Variants in SGCZ observed in about 807,000 individuals in gnomAD.
SGCZ encodes the protein sarcoglycan zeta.
SGCZ carries 40 observed loss-of-function variants against 41.3 expected under a neutral mutation model. The observed-to-expected ratio is 0.97, with a 90% confidence interval of 0.75 to 1.26. SGCZ has a LOEUF of 1.26. SGCZ is among the 50% of genes most tolerant of loss of function. SGCZ has a pLI of 0.00. For synonymous variants in SGCZ, 206 were observed against 137.5 expected, an observed-to-expected ratio of 1.50 and a Z score of -3.49; for missense variants, 552 against 369.8, an observed-to-expected ratio of 1.49 and a Z score of -4.04.
chr8:14,764,081 A>T (rs1334455830), intron 1 of SGCZ, among the ~76,000 whole-genome samples: 1 of 152,172 alleles, frequency 6.6e-6, no homozygotes, highest in Non-Finnish European at 1.5e-5. Flanking sequence ...TTATTTTGTC[A>T]GGAAAAAAGG....
At chr8:15,068,906 T>G (rs1805251194) in intron 1 of SGCZ, among the ~76,000 whole-genome samples, 1 of 152,212 alleles carries the variant, frequency 6.6e-6, no homozygotes, top group Non-Finnish European at 1.5e-5. Flanking sequence ...GTTTATGTGG[T>G]CTGTGCTTCT....
intron 1 of SGCZ, among the ~76,000 whole-genome samples, chr8:14,705,986 G>T (rs892944239): frequency 6.6e-6 from 1 of 151,826 alleles, no homozygotes; most frequent in Non-Finnish European, 1.5e-5. Context: ...GAATAGCTTA[G>T]AATCATAATA....
At chr8:14,172,370 C>T (rs1467576233) in intron 4 of SGCZ, among the ~76,000 whole-genome samples, 10 of 152,114 alleles carry the variant, frequency 6.6e-5, no homozygotes, top group Admixed American at 6.6e-4. Context: ...TTGGAAGGAA[C>T]ACATCACATT....
chr8:14,822,664 A>G (rs1013596447), intron 1 of SGCZ, among the ~76,000 whole-genome samples: 2 of 152,170 alleles, frequency 1.3e-5, no homozygotes, highest in Non-Finnish European at 2.9e-5. Flanking sequence ...GAGCCCAGAA[A>G]CAAATTTACC....
rs529764561 is a variant in SGCZ at position 14,690,487 on chromosome 8, G to C, written c.40-135561C>G. On this transcript the variant is annotated intron_variant, in intron 1 of 7. Coordinates refer to ENST00000382080, the MANE Select transcript of SGCZ (RefSeq NM_139167.4). ...TAAGAACATTGCAACCAAGTGGCGT[G>C]GGCGACATAAATACAGAAATACAGC... 113 of 152,034 alleles carry C rather than the reference G, an allele frequency of 7.4e-4. 4 individuals are homozygous for C. 9.4% of individuals were successfully genotyped at this position (152,034 alleles called of 1,614,324 possible).
intron 1 of SGCZ, among the ~76,000 whole-genome samples, chr8:14,679,995 C>T (rs1808391858): frequency 6.6e-6 from 1 of 152,046 alleles, no homozygotes; most frequent in Admixed American, 6.6e-5. Flanking sequence ...CAGGCTACAC[C>T]ATGCAGTCGA....
chr8:14,190,187 T>C (rs1263462990), intron 4 of SGCZ, among the ~76,000 whole-genome samples: 1 of 151,884 alleles, frequency 6.6e-6, no homozygotes, highest in Non-Finnish European at 1.5e-5. Context: ...TAATTCTTTG[T>C]ATTTTTAGTA....
Position 14,313,267 on chromosome 8 carries a change from G to T in SGCZ, c.336+10836C>A, listed in dbSNP as rs139773055. ...AGGAACTATCCAAGATGTAGTAAAAGGTTTCTGTTACATAATTTTGTCTGC... is the reference window on the plus strand; with the variant it reads ...AGGAACTATCCAAGATGTAGTAAAATGTTTCTGTTACATAATTTTGTCTGC... On this transcript the variant is annotated intron_variant, in intron 3 of 7. Transcript: ENST00000382080. 1.1e-4 allele frequency among the ~76,000 whole-genome samples: 16 copies of T among 152,142 alleles called. No individual in the cohort carries two copies. In the East Asian group the frequency reaches 3.1e-3, roughly 29 times the overall value.
At chr8:14,822,480 A>C (rs1180572275) in intron 1 of SGCZ, among the ~76,000 whole-genome samples, 2 of 152,190 alleles carry the variant, frequency 1.3e-5, no homozygotes, top group Non-Finnish European at 2.9e-5. Flanking sequence ...AGAAACAAAA[A>C]AGAAATTCAC....
At chr8:14,776,711 T>C (rs1017037994) in intron 1 of SGCZ, among the ~76,000 whole-genome samples, 1 of 151,902 alleles carries the variant, frequency 6.6e-6, no homozygotes, top group African/African-American at 2.4e-5. Context: ...GCCAGGATGG[T>C]CTCCATCTCC....
chr8:14,496,124 G>C (rs1585593580), intron 2 of SGCZ, among the ~76,000 whole-genome samples: 1 of 98,326 alleles, frequency 1.0e-5, no homozygotes, highest in Non-Finnish European at 2.3e-5. Flanking sequence ...ATAGTGCAGT[G>C]GCGTGATCAT....
chr8:14,496,597 G>C (rs1359568277), intron 2 of SGCZ, among the ~76,000 whole-genome samples: 1 of 152,030 alleles, frequency 6.6e-6, no homozygotes. Context: ...TTGATTTTGA[G>C]AGTCTCTGTT....
chr8:14,620,586 T>A (rs1806252047), intron 1 of SGCZ, among the ~76,000 whole-genome samples: 2 of 71,832 alleles, frequency 2.8e-5, no homozygotes, highest in Non-Finnish European at 6.8e-5. Flanking sequence ...CTCAAAAAAA[T>A]TTATGAGAAA....
At chr8:15,003,855 A>G (rs567369498) in intron 1 of SGCZ, among the ~76,000 whole-genome samples, 2 of 152,306 alleles carry the variant, frequency 1.3e-5, no homozygotes, top group South Asian at 4.1e-4. Context: ...GAAAACAATT[A>G]TGAAAGTAAT....
chr8:14,745,286 A>C (rs1799310643), intron 1 of SGCZ, among the ~76,000 whole-genome samples: 1 of 152,150 alleles, frequency 6.6e-6, no homozygotes, highest in Non-Finnish European at 1.5e-5. Context: ...AGATATGTCC[A>C]AGGTGCCAAA....
intron 3 of SGCZ, among the ~76,000 whole-genome samples, chr8:14,310,054 T>C (rs1234331590): frequency 6.6e-6 from 1 of 152,118 alleles, no homozygotes; most frequent in African/African-American, 2.4e-5. Flanking sequence ...AAAAATTCTG[T>C]TGTTCCATTG....
At chr8:14,388,406 A>AAG (rs1321028001) in intron 2 of SGCZ, among the ~76,000 whole-genome samples, 1 of 152,082 alleles carries the variant, frequency 6.6e-6, no homozygotes, top group African/African-American at 2.4e-5. Context: ...GAATGAAAAA[A>AAG]AGAGAGAGAG....
chr8:15,003,151 C>A (rs965635116), intron 1 of SGCZ, among the ~76,000 whole-genome samples: 5 of 152,030 alleles, frequency 3.3e-5, no homozygotes, highest in Admixed American at 3.3e-4. Flanking sequence ...ATATTGTTGT[C>A]TTGGGAGAAA....
At chr8:14,181,041 G>A (rs967517831) in intron 4 of SGCZ, among the ~76,000 whole-genome samples, 6 of 152,132 alleles carry the variant, frequency 3.9e-5, no homozygotes, top group East Asian at 1.9e-4. Flanking sequence ...TTTAGCAAGC[G>A]GCTATTATGC....
Sources: gnomAD v4.1 joint callset for allele counts (sites outside exome capture counted in the v4.1 genomes callset) on GRCh38, gnomAD v4.1.1 for gene constraint, MANE v1.5 for transcripts, NCBI Gene and HGNC (gene_info 2026-07-23, HGNC 2026-07-21) for gene names.